PDE6D: variants seen among roughly 807,000 people sequenced by gnomAD.
PDE6D encodes the protein retinal rod rhodopsin-sensitive cGMP 3',5'-cyclic phosphodiesterase subunit delta.
PDE6D carries 10 observed loss-of-function variants against 21.9 expected under a neutral mutation model. The ratio of observed to expected loss-of-function variants is 0.46; its 90% CI spans 0.28 to 0.78. The LOEUF (loss-of-function observed/expected upper bound fraction) is 0.78. Ranked by LOEUF, PDE6D falls within the 30% of genes least tolerant of loss-of-function variation. The pLI is 0.12. For synonymous variants in PDE6D, 59 were observed against 63.5 expected (o/e 0.93, Z 0.34); for missense variants, 139 against 184.8 (o/e 0.75, Z 1.44).
intron 1 of PDE6D, among the ~76,000 whole-genome samples, chr2:231,753,608 T>A (rs1186575179): frequency 6.6e-6 from 1 of 151,102 alleles, no homozygotes; most frequent in Non-Finnish European, 1.5e-5. Flanking sequence ...AATAAATAAA[T>A]AATAAAAGAT....
intron 4 of PDE6D, among the ~76,000 whole-genome samples, chr2:231,736,900 A>G (rs373534968): frequency 1.3e-5 from 2 of 152,238 alleles, no homozygotes; most frequent in Non-Finnish European, 1.5e-5. Context: ...GAGATAAAGT[A>G]TATTAGTGCC....
intron 1 of PDE6D, among the ~76,000 whole-genome samples, chr2:231,742,282 C>T (rs189491410): frequency 1.0e-3 from 154 of 152,102 alleles, no homozygotes; most frequent in African/African-American, 3.5e-3. Flanking sequence ...CCACCATGCC[C>T]GGCTAATTTT....
chr2:231,755,162 G>C (rs879921990), intron 1 of PDE6D, among the ~76,000 whole-genome samples: 5 of 152,158 alleles, frequency 3.3e-5, no homozygotes, highest in Non-Finnish European at 7.4e-5. Context: ...CTGGTACGCT[G>C]ATCTCAGACT....
chr2:231,759,391 T>C (rs1308416033), intron 1 of PDE6D, among the ~76,000 whole-genome samples: 1 of 151,818 alleles, frequency 6.6e-6, no homozygotes, highest in African/African-American at 2.4e-5. Flanking sequence ...TTTTAGAGAT[T>C]GGAAAGGTTT....
chr2:231,777,961 A>G (rs935615319), intron 1 of PDE6D, among the ~76,000 whole-genome samples: 2 of 152,270 alleles, frequency 1.3e-5, no homozygotes, highest in South Asian at 4.1e-4. Context: ...TGCAAAAGCC[A>G]GATGGCAAAT....
intron 1 of PDE6D, among the ~76,000 whole-genome samples, chr2:231,745,385 G>A (rs2048786012): frequency 6.6e-6 from 1 of 152,210 alleles, no homozygotes; most frequent in Admixed American, 6.5e-5. Context: ...AAGACTCAAA[G>A]GTCAAGTCAC....
chr2:231,744,716 G>A (rs991193897), intron 1 of PDE6D, among the ~76,000 whole-genome samples: 1 of 152,024 alleles, frequency 6.6e-6, no homozygotes, highest in East Asian at 1.9e-4. Flanking sequence ...TACAGGCGTT[G>A]AGCCACCGTG....
chr2:231,738,442 A>G (rs2048721348), intron 2 of PDE6D, among the ~76,000 whole-genome samples: 1 of 152,164 alleles, frequency 6.6e-6, no homozygotes, highest in African/African-American at 2.4e-5. Context: ...CTGCATGGGT[A>G]CCTTCTCTCT....
chr2:231,747,927 G>T (rs1339689637), intron 1 of PDE6D, among the ~76,000 whole-genome samples: 1 of 152,184 alleles, frequency 6.6e-6, no homozygotes, highest in Non-Finnish European at 1.5e-5. Flanking sequence ...CCGCCGCCAT[G>T]TAAGAAGAGG....
intron 1 of PDE6D, among the ~76,000 whole-genome samples, chr2:231,759,457 T>C (rs1385753348): frequency 6.6e-6 from 1 of 152,088 alleles, no homozygotes; most frequent in Non-Finnish European, 1.5e-5. Context: ...TATTCGTGTG[T>C]ACAAAGGAAG....
chr2:231,740,328 A>G (rs192136288), intron 1 of PDE6D, among the ~76,000 whole-genome samples: 1 of 152,330 alleles, frequency 6.6e-6, no homozygotes, highest in East Asian at 1.9e-4. Context: ...GCAGAACCAA[A>G]CAACTCAACA....
rs868640138 is a variant in PDE6D, at chr2:231,747,921, C to T, written c.51-8733G>A. On this transcript the variant is annotated intron_variant, in intron 1 of 4. Transcript: ENST00000287600. ...CTTCTTCCTCATTTTCTCTTGCCGC[C>T]GCCATGTAAGAAGAGGCTTTCACCT... Among the ~76,000 whole-genome samples the T allele has an allele frequency of 3.9e-5, 6 of 152,156 alleles. No homozygotes were observed. In the East Asian group the frequency reaches 5.8e-4, roughly 15 times the overall value.
chr2:231,752,321 C>T (rs948391300), intron 1 of PDE6D, among the ~76,000 whole-genome samples: 1 of 152,176 alleles, frequency 6.6e-6, no homozygotes, highest in African/African-American at 2.4e-5. Flanking sequence ...GATCTTAGAT[C>T]AGTCATTTAA....
intron 1 of PDE6D, among the ~76,000 whole-genome samples, chr2:231,750,484 T>TC (rs2048830369): frequency 6.8e-6 from 1 of 148,108 alleles, no homozygotes; most frequent in East Asian, 2.0e-4. Context: ...CATATCACTT[T>TC]TTTTTTTTTT....
At chr2:231,740,357 A>C (rs774689235) in intron 1 of PDE6D, among the ~76,000 whole-genome samples, 6 of 152,182 alleles carry the variant, frequency 3.9e-5, no homozygotes, top group Non-Finnish European at 8.8e-5. Context: ...AAATTGAAGA[A>C]AGCTTTCAGA....
rs917782413 is a variant in PDE6D at position 231,781,184 on chromosome 2, C to G, written c.-70G>C. ...AGCCTCGCAGACGGTGCCCAGGAGC[C>G]GAGGATGGAGCCGCAGCCCGGCTTG... On this transcript the variant is annotated 5_prime_UTR_variant, in exon 1 of 5. Coordinates refer to ENST00000287600, the MANE Select transcript of PDE6D (RefSeq NM_002601.4). The G allele has an allele frequency of 2.0e-6, 3 of 1,501,208 alleles. No homozygotes were observed. The highest frequency in any genetic ancestry group is 2.8e-5 in the African/African-American group (2 of 72,658). The allele number at this position is 1,501,208 out of a possible 1,614,324, so 93.0% of individuals were successfully genotyped here. A position where few individuals can be genotyped will look rare whatever the true frequency, so the allele number is the denominator to read the frequency against.
intron 1 of PDE6D, among the ~76,000 whole-genome samples, chr2:231,747,000 G>T (rs1441035739): frequency 6.6e-6 from 1 of 152,218 alleles, no homozygotes; most frequent in African/African-American, 2.4e-5. Flanking sequence ...GATGAGAACA[G>T]GAGGAAGACT....
intron 4 of PDE6D, 35 bp from the exon 5 acceptor site, chr2:231,733,068 A>G: frequency 7.3e-7 from 1 of 1,366,402 alleles, no homozygotes; most frequent in Non-Finnish European, 1.0e-6. Flanking sequence ...GGCAAAAGAG[A>G]GTGAGCATGT....
chr2:231,742,638 TATAG>T (rs2048759615), intron 1 of PDE6D, among the ~76,000 whole-genome samples: 2 of 152,188 alleles, frequency 1.3e-5, no homozygotes, highest in African/African-American at 2.4e-5. Context: ...ATATGTATAA[TATAG>T]ATATAGTTTA....
Sources: allele counts gnomAD v4.1 joint callset (sites outside exome capture counted in the v4.1 genomes callset), GRCh38; gene constraint gnomAD v4.1.1; transcripts MANE v1.5; gene names NCBI Gene and HGNC (gene_info 2026-07-23, HGNC 2026-07-21).